AKAP9: variants seen among roughly 807,000 people sequenced by gnomAD.
AKAP9 encodes the protein A-kinase anchor protein 9.
Under a neutral mutation model 488.5 loss-of-function variants are expected in AKAP9, and 311 were observed. The ratio of observed to expected loss-of-function variants is 0.64; its 90% confidence interval spans 0.58 to 0.70. AKAP9 has a LOEUF of 0.70. AKAP9 is among the 30% of genes least tolerant of loss of function. The pLI, the probability that AKAP9 is intolerant of heterozygous loss-of-function variation, is 0.00. For synonymous variants in AKAP9, 1,462 were observed against 1,483.5 expected, an observed-to-expected ratio of 0.99 and a Z score of 0.33; for missense variants, 4,215 against 4,374.5, an observed-to-expected ratio of 0.96 and a Z score of 1.03.
chr7:92,084,071 G>T (rs556011508), intron 33 of AKAP9, among the ~76,000 whole-genome samples: 1 of 152,162 alleles, frequency 6.6e-6, no homozygotes, highest in Non-Finnish European at 1.5e-5. Flanking sequence ...GTGAGAACAT[G>T]CAGTGTTTGG....
At chr7:92,103,849 C>A (rs1818057953) in intron 46 of AKAP9, among the ~76,000 whole-genome samples, 1 of 152,164 alleles carries the variant, frequency 6.6e-6, no homozygotes, top group African/African-American at 2.4e-5. Flanking sequence ...TTTTGGTGCC[C>A]AGTTATGGAA....
In AKAP9 at chr7:92,002,136, C is replaced by A. The variant is rs1254641731; in HGVS notation, c.2219C>A (p.Thr740Lys). The A allele has an allele frequency of 1.3e-6, 2 of 1,593,168 alleles. No individual in the cohort carries two copies. The highest frequency in any genetic ancestry group is 1.7e-6 in the Non-Finnish European group (2 of 1,173,390). The change falls in exon 8 of 50, where the codon ACA (threonine) becomes AAA (lysine). Residue 740 changes from threonine to lysine, a missense_variant. Physicochemically the swap from Thr to Lys is moderately conservative, Grantham distance 78 (BLOSUM62 -1). Coordinates refer to ENST00000356239, the MANE Select transcript of AKAP9 (RefSeq NM_005751.5). ...ILRQEEKEKGTLEQEVQELQL... is the reference protein window; with the variant it reads ...ILRQEEKEKGKLEQEVQELQL... ...AGACAAGAAGAAAAAGAAAAGGGTACACTTGAACAAGAAGTTCAAGAATTA... is the reference window on the plus strand; with the variant it reads ...AGACAAGAAGAAAAAGAAAAGGGTAAACTTGAACAAGAAGTTCAAGAATTA...
At chr7:91,944,190 C>T (rs1342771953) in intron 1 of AKAP9, among the ~76,000 whole-genome samples, 1 of 151,210 alleles carries the variant, frequency 6.6e-6, no homozygotes, top group African/African-American at 2.4e-5. Context: ...ACAAATAATG[C>T]CAGGTTAAAA....
intron 8 of AKAP9, among the ~76,000 whole-genome samples, chr7:92,003,637 T>C (rs1416276292): frequency 2.0e-5 from 3 of 152,080 alleles, no homozygotes; most frequent in Non-Finnish European, 4.4e-5. Flanking sequence ...TCTCTACAAC[T>C]GAAAATGAAC....
In AKAP9 at chr7:92,084,928, A is replaced by G. The variant is rs1442801593; in HGVS notation, c.8820A>G (p.Pro2940=). The change falls in exon 35 of 50, where the codon CCA becomes CCG. Residue 2940 remains proline (P), a synonymous_variant. Coordinates refer to ENST00000356239, the MANE Select transcript of AKAP9 (RefSeq NM_005751.5). ...GTGAAAGTGCAACAGATTCCTTTCC[A>G]AAGAAAATAAAGGTACTAAAAGATA... ...EESESATDSF[P]KKIKGLLRAV... is the part of the protein sequence containing the mutation. The G allele has an allele frequency of 6.2e-7, 1 of 1,613,134 alleles. No homozygotes were observed. The highest frequency in any genetic ancestry group is 1.7e-5 in the Admixed American group (1 of 59,990).
At chr7:91,987,131 T>C (rs1797196628) in intron 3 of AKAP9, among the ~76,000 whole-genome samples, 2 of 152,124 alleles carry the variant, frequency 1.3e-5, no homozygotes, top group Admixed American at 6.6e-5. Context: ...AAGATAATTA[T>C]GAGCCAGGCA....
intron 8 of AKAP9, 56 bp downstream of exon 8, chr7:92,003,291 A>G (rs1490475025): frequency 1.6e-5 from 22 of 1,346,980 alleles, no homozygotes; most frequent in Non-Finnish European, 2.2e-5. Context: ...TACATTTCAC[A>G]CTAAGGTTTC....
chr7:91,976,553 T>C (rs1195519571), intron 2 of AKAP9, among the ~76,000 whole-genome samples: 1 of 152,222 alleles, frequency 6.6e-6, no homozygotes, highest in Non-Finnish European at 1.5e-5. Context: ...TTAAATGCTT[T>C]TTTTGTGTCT....
intron 22 of AKAP9, among the ~76,000 whole-genome samples, chr7:92,061,001 G>A (rs1300770807): frequency 6.6e-6 from 1 of 152,078 alleles, no homozygotes; most frequent in Non-Finnish European, 1.5e-5. Flanking sequence ...AAAGTGGTTT[G>A]TATCCAAAAG....
At chr7:92,054,757 T>C (rs923434115) in intron 22 of AKAP9, among the ~76,000 whole-genome samples, 1 of 152,044 alleles carries the variant, frequency 6.6e-6, no homozygotes, top group Non-Finnish European at 1.5e-5. Context: ...CTCTTTTGCT[T>C]GGACAGGCTA....
At chr7:92,070,672 TG>T (rs1811571229) in intron 27 of AKAP9, among the ~76,000 whole-genome samples, 1 of 151,886 alleles carries the variant, frequency 6.6e-6, no homozygotes, top group African/African-American at 2.4e-5. Flanking sequence ...CAACCTCAGG[TG>T]ATCCACCTAC....
chr7:91,992,306 C>T, intron 4 of AKAP9, 95 bp downstream of exon 4: 1 of 894,508 alleles, frequency 1.1e-6, no homozygotes, highest in Non-Finnish European at 1.9e-6. Flanking sequence ...GTACTTCTTT[C>T]TGTGTGTGAT....
At chr7:92,066,321 T>C (rs1810754244) in intron 25 of AKAP9, 106 bp from the exon 26 acceptor site, 2 of 1,415,474 alleles carry the variant, frequency 1.4e-6, no homozygotes, top group Non-Finnish European at 9.9e-7. Flanking sequence ...TCATCAGTCC[T>C]TTGTCTTCAA....
chr7:91,987,251 C>G (rs1162825286), intron 3 of AKAP9, among the ~76,000 whole-genome samples: 1 of 151,960 alleles, frequency 6.6e-6, no homozygotes, highest in Non-Finnish European at 1.5e-5. Flanking sequence ...AACCCCATGT[C>G]TACTAAAAAT....
chr7:91,948,224 T>C (rs1791710875), intron 1 of AKAP9, among the ~76,000 whole-genome samples: 1 of 152,228 alleles, frequency 6.6e-6, no homozygotes, highest in Non-Finnish European at 1.5e-5. Flanking sequence ...CTATTGTGAA[T>C]AGTGCTGCTG....
chr7:92,095,096 A>G lies in AKAP9; in HGVS notation c.9652A>G (p.Arg3218Gly). The change falls in exon 40 of 50, where the codon AGA becomes GGA. Residue 3218 changes from arginine (R) to glycine (G), a missense_variant. Transcript: ENST00000356239. ...DTLASEQKKS[R>G]ELQWALEKEK... ...ATTAGCAAGTGAACAGAAAAAATCA[A>G]GAGAGCTCCAGTGGGCTTTGGAGAA... is the stretch of plus-strand genomic sequence containing the variant. 1 of 1,614,198 alleles carries G rather than the reference A, an allele frequency of 6.2e-7. No homozygotes were observed. The highest frequency in any genetic ancestry group is 1.1e-5 in the South Asian group (1 of 91,086).
intron 3 of AKAP9, among the ~76,000 whole-genome samples, chr7:91,981,704 G>A (rs1359365787): frequency 6.7e-6 from 1 of 149,716 alleles, no homozygotes; most frequent in Non-Finnish European, 1.5e-5. Context: ...CTGCCTCCTG[G>A]ATCTAAGCAA....
At chr7:92,033,220 T>G (rs181604909) in intron 16 of AKAP9, among the ~76,000 whole-genome samples, 3 of 152,224 alleles carry the variant, frequency 2.0e-5, no homozygotes, top group African/African-American at 7.2e-5. Flanking sequence ...CTGCACGTTG[T>G]GCACATGTAC....
At chr7:92,050,012 A>G (rs1162945233) in intron 21 of AKAP9, among the ~76,000 whole-genome samples, 1 of 151,670 alleles carries the variant, frequency 6.6e-6, no homozygotes, top group African/African-American at 2.4e-5. Context: ...AAATTTAAGA[A>G]GTGTTGAATT....
Sources: gnomAD v4.1 joint callset for allele counts (sites outside exome capture counted in the v4.1 genomes callset) on GRCh38, gnomAD v4.1.1 for gene constraint, MANE v1.5 for transcripts, NCBI Gene and HGNC (gene_info 2026-07-23, HGNC 2026-07-21) for gene names.